PARD3B: variants seen among roughly 807,000 people sequenced by gnomAD.
The protein encoded by PARD3B is par-3 family cell polarity regulator beta.
A neutral mutation model predicts 130.2 loss-of-function variants in PARD3B; 103 were observed. The observed-to-expected ratio is 0.79, with a 90% confidence interval of 0.67 to 0.93. The LOEUF (loss-of-function observed/expected upper bound fraction) is 0.93, where lower values mean the gene tolerates loss of function less well. PARD3B is among the 40% of genes least tolerant of loss of function. The probability of loss-of-function intolerance (pLI) is 0.00; values close to 1 mark genes in which losing one functional copy is unlikely to be tolerated. For synonymous variants in PARD3B, 583 were observed against 553.2 expected (o/e 1.05, Z -0.76); for missense variants, 1,609 against 1,499.2 (o/e 1.07, Z -1.21).
At chr2:205,213,102 T>G (rs1179851824) in intron 15 of PARD3B, among the ~76,000 whole-genome samples, 1 of 152,132 alleles carries the variant, frequency 6.6e-6, no homozygotes, top group East Asian at 1.9e-4. Context: ...AAATAAGGCT[T>G]GTCAGTTTCC....
At chr2:204,561,135 C>T (rs2031283281) in intron 1 of PARD3B, among the ~76,000 whole-genome samples, 1 of 151,968 alleles carries the variant, frequency 6.6e-6, no homozygotes, top group African/African-American at 2.4e-5. Flanking sequence ...GGTTGGTGAG[C>T]AGTGTGAGGG....
chr2:204,858,989 G>A (rs1279053508), intron 2 of PARD3B, among the ~76,000 whole-genome samples: 1 of 151,392 alleles, frequency 6.6e-6, no homozygotes, highest in Non-Finnish European at 1.5e-5. Context: ...AAGTATTTGA[G>A]GAAAAGTAAA....
chr2:205,109,263 C>G (rs911844516), intron 5 of PARD3B, among the ~76,000 whole-genome samples: 5 of 152,182 alleles, frequency 3.3e-5, no homozygotes, highest in Non-Finnish European at 7.4e-5. Context: ...CTGGAGGTTT[C>G]GCTCTGTAGT....
intron 2 of PARD3B, among the ~76,000 whole-genome samples, chr2:204,952,430 C>T (rs1420089619): frequency 6.6e-6 from 1 of 152,034 alleles, no homozygotes; most frequent in African/African-American, 2.4e-5. Context: ...ATTACTGGTT[C>T]CAGGTGAGTG....
chr2:205,067,890 T>G (rs1056864281), intron 4 of PARD3B, among the ~76,000 whole-genome samples: 3 of 152,220 alleles, frequency 2.0e-5, no homozygotes, highest in Non-Finnish European at 4.4e-5. Context: ...CATTCTGTTT[T>G]ATATATTGCT....
At chr2:205,509,230 A>AT (rs1553532904) in intron 21 of PARD3B, among the ~76,000 whole-genome samples, 2 of 151,996 alleles carry the variant, frequency 1.3e-5, no homozygotes, top group African/African-American at 4.8e-5. Context: ...ATAGGGAAAA[A>AT]ATATATATAT....
intron 16 of PARD3B, among the ~76,000 whole-genome samples, chr2:205,289,824 C>G (rs1476088688): frequency 6.6e-6 from 1 of 152,142 alleles, no homozygotes; most frequent in Non-Finnish European, 1.5e-5. Context: ...CTGTCATGAG[C>G]CCCCTCAACG....
chr2:205,430,062 A>G (rs984605830), intron 19 of PARD3B, among the ~76,000 whole-genome samples: 4 of 152,164 alleles, frequency 2.6e-5, no homozygotes, highest in African/African-American at 7.2e-5. Flanking sequence ...AGATAATCTC[A>G]CAACAACATC....
Position 205,146,204 on chromosome 2 carries a change from G to T in PARD3B, c.1435-12518G>T, listed in dbSNP as rs2033344543. ...ATGTTTCATTCTTGTCCTTGATGTT[G>T]TGCTATCTTTTAAAGATGTTACATG... On this transcript the variant is annotated intron_variant, in intron 10 of 22. Transcript: ENST00000406610. The surrounding 1 kb of genome is among the most constrained non-coding windows in gnomAD (Gnocchi z 4.3). 1.3e-5 allele frequency among the ~76,000 whole-genome samples: 2 copies of T among 152,198 alleles called. No individual in the cohort carries two copies. The highest frequency in any genetic ancestry group is 2.9e-5 in the Non-Finnish European group (2 of 68,038).
intron 18 of PARD3B, among the ~76,000 whole-genome samples, chr2:205,374,926 G>T (rs1399130188): frequency 1.3e-5 from 2 of 152,152 alleles, no homozygotes; most frequent in Non-Finnish European, 2.9e-5. Context: ...GAGCATATAT[G>T]ATTAAGAGGT....
chr2:204,634,980 T>C (rs1162965851), intron 1 of PARD3B, among the ~76,000 whole-genome samples: 5 of 152,214 alleles, frequency 3.3e-5, no homozygotes, highest in Admixed American at 6.5e-5. Context: ...ATCCTTTCCC[T>C]TTTTTACTGG....
chr2:205,040,590 C>T (rs1698326579), intron 3 of PARD3B, among the ~76,000 whole-genome samples: 1 of 152,118 alleles, frequency 6.6e-6, no homozygotes, highest in Non-Finnish European at 1.5e-5. Flanking sequence ...CAAGATGCAG[C>T]CTATACTGTC....
chr2:204,881,845 T>C (rs985649913), intron 2 of PARD3B, among the ~76,000 whole-genome samples: 1 of 152,240 alleles, frequency 6.6e-6, no homozygotes, highest in Non-Finnish European at 1.5e-5. Flanking sequence ...CCTCTTTTTC[T>C]ATCTGAGAGC....
chr2:205,439,954 A>G (rs2106158057), intron 19 of PARD3B, among the ~76,000 whole-genome samples: 1 of 152,326 alleles, frequency 6.6e-6, no homozygotes, highest in Middle Eastern at 3.4e-3. Flanking sequence ...AAATTACTGA[A>G]GTCGTAGAAA....
intron 7 of PARD3B, among the ~76,000 whole-genome samples, chr2:205,120,599 C>T (rs2030575616): frequency 6.6e-6 from 1 of 152,142 alleles, no homozygotes; most frequent in Admixed American, 6.6e-5. Context: ...AGAGGGCACT[C>T]CACAGTTAGT....
chr2:205,137,940 A>G (rs979356092), intron 10 of PARD3B, among the ~76,000 whole-genome samples: 1 of 152,272 alleles, frequency 6.6e-6, no homozygotes, highest in Non-Finnish European at 1.5e-5. Flanking sequence ...TCACAAGGCC[A>G]GACAAGATCC....
chr2:204,774,567 A>G (rs192001149), intron 2 of PARD3B, among the ~76,000 whole-genome samples: 1 of 152,208 alleles, frequency 6.6e-6, no homozygotes, highest in Admixed American at 6.6e-5. Context: ...TTTATGGATA[A>G]CATTAGGGAC....
chr2:205,133,720 G>C (rs778237675), intron 10 of PARD3B, among the ~76,000 whole-genome samples: 40 of 152,072 alleles, frequency 2.6e-4, no homozygotes, highest in Non-Finnish European at 4.4e-4. Context: ...CCTCATTTTG[G>C]CAAAGGGCCA....
intron 18 of PARD3B, among the ~76,000 whole-genome samples, chr2:205,330,549 T>G (rs2043086274): frequency 6.6e-6 from 1 of 152,170 alleles, no homozygotes; most frequent in South Asian, 2.1e-4. Flanking sequence ...CCATCCTGTG[T>G]GTTTTCATTG....
Sources: allele counts gnomAD v4.1 joint callset (sites outside exome capture counted in the v4.1 genomes callset), GRCh38; gene constraint gnomAD v4.1.1; non-coding constraint Gnocchi (gnomAD v3.1); transcripts MANE v1.5; gene names NCBI Gene and HGNC (gene_info 2026-07-23, HGNC 2026-07-21).